The following PLCL1 variants were observed in gnomAD, a reference collection of about 807,000 sequenced individuals.
PLCL1 encodes the protein phospholipase C like 1 (inactive).
In PLCL1, 41 loss-of-function variants were observed where a neutral mutation model predicts 84.4. That is an observed-to-expected ratio of 0.49 (90% CI 0.38 to 0.63). The LOEUF (loss-of-function observed/expected upper bound fraction) is 0.63, where lower values mean the gene tolerates loss of function less well. Ranked by LOEUF, PLCL1 falls within the 30% of genes least tolerant of loss-of-function variation. The pLI, the probability that PLCL1 is intolerant of heterozygous loss-of-function variation, is 0.00. For synonymous variants in PLCL1, 490 were observed against 488.3 expected, an observed-to-expected ratio of 1.00 and a Z score of -0.05; for missense variants, 1,206 against 1,367.8, an observed-to-expected ratio of 0.88 and a Z score of 1.87.
At chr2:197,845,142 A>AAAAAGATC (rs1687097057) in intron 1 of PLCL1, among the ~76,000 whole-genome samples, 1 of 152,102 alleles carries the variant, frequency 6.6e-6, no homozygotes, top group Admixed American at 6.6e-5. Flanking sequence ...TCCGTGAGAT[A>AAAAAGATC]AAAAGATCAA....
intron 1 of PLCL1, among the ~76,000 whole-genome samples, chr2:197,915,072 G>A (rs1266794673): frequency 6.6e-6 from 1 of 152,218 alleles, no homozygotes; most frequent in Non-Finnish European, 1.5e-5. Context: ...ACCATTTAGA[G>A]TTCTAGAGAT....
chr2:197,914,336 T>A (rs551520737), intron 1 of PLCL1, among the ~76,000 whole-genome samples: 4 of 152,204 alleles, frequency 2.6e-5, no homozygotes, highest in South Asian at 2.1e-4. Flanking sequence ...TATGTTATTT[T>A]TTTTTTTTTT....
intron 1 of PLCL1, among the ~76,000 whole-genome samples, chr2:197,836,477 A>T (rs937562391): frequency 3.3e-5 from 5 of 149,330 alleles, no homozygotes; most frequent in African/African-American, 1.3e-4. Context: ...AAAAAAAAAA[A>T]TCCTTACCTT....
At chr2:197,833,502 A>T (rs1419235668) in intron 1 of PLCL1, among the ~76,000 whole-genome samples, 1 of 152,170 alleles carries the variant, frequency 6.6e-6, no homozygotes, top group Non-Finnish European at 1.5e-5. Flanking sequence ...ATCAATGTGC[A>T]AAAAATCACA....
chr2:198,106,471 G>A (rs1693476963), intron 5 of PLCL1, among the ~76,000 whole-genome samples: 1 of 151,892 alleles, frequency 6.6e-6, no homozygotes, highest in African/African-American at 2.4e-5. Context: ...TTTGCTTAAG[G>A]AGCAGGGATG....
rs546076726 is a variant in PLCL1, at chr2:197,886,563, T to A, written c.240+81224T>A. 8.9e-4 allele frequency among the ~76,000 whole-genome samples: 134 copies of A among 151,028 alleles called. 1 individual carries two copies. Among genetic ancestry groups the A allele is most frequent in the Admixed American group, 7.1e-3 (108 of 15,118 alleles). On this transcript the variant is annotated intron_variant, in intron 1 of 5. Coordinates refer to ENST00000428675, the MANE Select transcript of PLCL1 (RefSeq NM_006226.4). Reference sequence around the variant, plus strand: ...ATTTGAAGGTTTGTGGAAAAAAAAATTATCAGATTGTCAGTTTATTTGAAG... The same window carrying A: ...ATTTGAAGGTTTGTGGAAAAAAAAAATATCAGATTGTCAGTTTATTTGAAG...
intron 1 of PLCL1, among the ~76,000 whole-genome samples, chr2:197,960,018 C>T (rs2105788736): frequency 6.6e-6 from 1 of 152,228 alleles, no homozygotes; most frequent in East Asian, 1.9e-4. Context: ...TTCTGTAACA[C>T]AGTGAATGCC....
intron 1 of PLCL1, among the ~76,000 whole-genome samples, chr2:197,917,098 C>A (rs1688613407): frequency 6.6e-6 from 1 of 152,212 alleles, no homozygotes; most frequent in Non-Finnish European, 1.5e-5. Context: ...GATAGTTTGA[C>A]AGTTTCCTAC....
intron 1 of PLCL1, among the ~76,000 whole-genome samples, chr2:197,882,878 G>T (rs1339820609): frequency 6.6e-6 from 1 of 152,122 alleles, no homozygotes; most frequent in Non-Finnish European, 1.5e-5. Context: ...CTATGCACTA[G>T]TTAAAAATAA....
chr2:198,059,115 G>A (rs1692130808), intron 1 of PLCL1, among the ~76,000 whole-genome samples: 1 of 152,124 alleles, frequency 6.6e-6, no homozygotes, highest in Admixed American at 6.6e-5. Context: ...TGGATAAGCA[G>A]GTTCCCTATT....
At chr2:197,854,956 C>T (rs1687302606) in intron 1 of PLCL1, among the ~76,000 whole-genome samples, 1 of 152,112 alleles carries the variant, frequency 6.6e-6, no homozygotes, top group Non-Finnish European at 1.5e-5. Flanking sequence ...TACAGCTTGT[C>T]CTGTGGTCAT....
intron 5 of PLCL1, among the ~76,000 whole-genome samples, chr2:198,139,290 A>G (rs1024058627): frequency 6.6e-6 from 1 of 152,156 alleles, no homozygotes. Context: ...GCCGACCTTA[A>G]TTGAGGTTGT....
intron 1 of PLCL1, among the ~76,000 whole-genome samples, chr2:197,893,476 C>T (rs1304664179): frequency 6.6e-6 from 1 of 152,152 alleles, no homozygotes; most frequent in Non-Finnish European, 1.5e-5. Context: ...TCCTATAGCA[C>T]GTTAGGGTTT....
chr2:197,907,815 T>C (rs1259007099), intron 1 of PLCL1, among the ~76,000 whole-genome samples: 1 of 152,230 alleles, frequency 6.6e-6, no homozygotes, highest in Non-Finnish European at 1.5e-5. Context: ...TGAAATCACC[T>C]GAGAGCTAAA....
intron 1 of PLCL1, among the ~76,000 whole-genome samples, chr2:198,079,122 T>C (rs1206335097): frequency 6.6e-6 from 1 of 151,958 alleles, no homozygotes; most frequent in Non-Finnish European, 1.5e-5. Flanking sequence ...AAAATGATTT[T>C]TTTTTTAATT....
chr2:197,965,809 C>T (rs1308814306), intron 1 of PLCL1, among the ~76,000 whole-genome samples: 2 of 151,992 alleles, frequency 1.3e-5, no homozygotes, highest in Non-Finnish European at 2.9e-5. Context: ...ACCTATTGGC[C>T]ATTCAGGAAC....
intron 1 of PLCL1, among the ~76,000 whole-genome samples, chr2:198,076,323 G>C (rs937421138): frequency 6.6e-6 from 1 of 152,134 alleles, no homozygotes; most frequent in East Asian, 1.9e-4. Context: ...CCCCACCACA[G>C]CGTATATATC....
chr2:197,893,256 C>A (rs1215002638), intron 1 of PLCL1, among the ~76,000 whole-genome samples: 1 of 152,054 alleles, frequency 6.6e-6, no homozygotes, highest in African/African-American at 2.4e-5. Context: ...AGATTTGAAC[C>A]TTTTTGCTTC....
intron 1 of PLCL1, among the ~76,000 whole-genome samples, chr2:198,024,863 C>T (rs73058864): frequency 0.2 from 30,251 of 151,690 alleles, 3,091 homozygotes; most frequent in East Asian, 0.26. Flanking sequence ...CCCTAATTAA[C>T]GTAATTCCAT....
Sources: gnomAD v4.1 joint callset for allele counts (sites outside exome capture counted in the v4.1 genomes callset) on GRCh38, gnomAD v4.1.1 for gene constraint, MANE v1.5 for transcripts, NCBI Gene and HGNC (gene_info 2026-07-23, HGNC 2026-07-21) for gene names.